ATE1: variants seen among roughly 807,000 people sequenced by gnomAD.
ATE1 encodes arginyl-tRNA--protein transferase 1.
Under a neutral mutation model 70.5 loss-of-function variants are expected in ATE1, and 36 were observed. That is an observed-to-expected ratio of 0.51 (90% CI 0.39 to 0.67). The LOEUF is 0.67. ATE1 is among the 30% of genes least tolerant of loss of function. The pLI is 0.00. For missense variants in ATE1, 593 were observed against 629.5 expected, an observed-to-expected ratio of 0.94 and a Z score of 0.62; for synonymous variants, 232 against 219.3, an observed-to-expected ratio of 1.06 and a Z score of -0.51.
intron 10 of ATE1, among the ~76,000 whole-genome samples, chr10:121,819,653 GC>G (rs1369250992): frequency 9.7e-5 from 13 of 133,780 alleles, no homozygotes; most frequent in Non-Finnish European, 4.6e-5. Flanking sequence ...CTTGCAGTGA[GC>G]CTGGGTGACA....
At chr10:121,925,129 A>C (rs1251910743) in intron 1 of ATE1, among the ~76,000 whole-genome samples, 1 of 152,232 alleles carries the variant, frequency 6.6e-6, no homozygotes, top group Non-Finnish European at 1.5e-5. Context: ...GTAAGAACTG[A>C]AAGTAACTCA....
At chr10:121,858,866 C>T (rs1949360172) in intron 8 of ATE1, among the ~76,000 whole-genome samples, 1 of 151,758 alleles carries the variant, frequency 6.6e-6, no homozygotes, top group African/African-American at 2.4e-5. Flanking sequence ...GATGCCGAGG[C>T]GGGCAGATCA....
intron 8 of ATE1, among the ~76,000 whole-genome samples, chr10:121,847,867 C>A (rs1023469234): frequency 6.6e-6 from 1 of 150,676 alleles, no homozygotes; most frequent in African/African-American, 2.4e-5. Flanking sequence ...CTCAGGAGAT[C>A]GAGACCATCC....
chr10:121,885,612 G>A (rs1950369791), intron 7 of ATE1, among the ~76,000 whole-genome samples: 1 of 150,770 alleles, frequency 6.6e-6, no homozygotes. Context: ...TCAAAATGTG[G>A]CTGGGTGCAG....
chr10:121,810,891 C>T (rs188316811), intron 10 of ATE1, among the ~76,000 whole-genome samples: 6 of 152,128 alleles, frequency 3.9e-5, no homozygotes, highest in East Asian at 1.9e-4. Flanking sequence ...TTAATAGAGA[C>T]GGGGTTTCAC....
At chr10:121,786,219 T>C (rs1300391436) in intron 11 of ATE1, among the ~76,000 whole-genome samples, 1 of 144,876 alleles carries the variant, frequency 6.9e-6, no homozygotes, top group African/African-American at 2.6e-5. Flanking sequence ...TTTTTTTTTT[T>C]TTTTTTTTTT....
intron 7 of ATE1, among the ~76,000 whole-genome samples, chr10:121,889,010 C>T (rs1279043863): frequency 1.3e-5 from 2 of 152,034 alleles, no homozygotes; most frequent in African/African-American, 4.8e-5. Flanking sequence ...TAGTAATCAA[C>T]TTATTTATTT....
intron 10 of ATE1, among the ~76,000 whole-genome samples, chr10:121,811,374 T>C (rs1157219532): frequency 6.6e-6 from 1 of 152,228 alleles, no homozygotes; most frequent in African/African-American, 2.4e-5. Flanking sequence ...AAGAGTACAC[T>C]GTACCGGTAT....
chr10:121,762,159 T>G (rs1208147249), intron 11 of ATE1, among the ~76,000 whole-genome samples: 1 of 152,222 alleles, frequency 6.6e-6, no homozygotes, highest in African/African-American at 2.4e-5. Flanking sequence ...TGAAACCCAC[T>G]CTGCCTTCAG....
chr10:121,906,902 T>C (rs967492704), intron 5 of ATE1, among the ~76,000 whole-genome samples: 4 of 151,812 alleles, frequency 2.6e-5, no homozygotes, highest in African/African-American at 4.8e-5. Context: ...CCGGCCAAAA[T>C]CCAAGGATTT....
At chr10:121,862,532 ATTTTT>A (rs35130703) in intron 8 of ATE1, among the ~76,000 whole-genome samples, 1,101 of 105,396 alleles carry the variant, frequency 0.01, 11 homozygotes, top group East Asian at 0.056. Context: ...AATTTTTTTA[ATTTTT>A]TTTTTTTTTT....
intron 11 of ATE1, among the ~76,000 whole-genome samples, chr10:121,772,562 C>T (rs936732353): frequency 6.6e-6 from 1 of 152,174 alleles, no homozygotes; most frequent in African/African-American, 2.4e-5. Context: ...GGCCCTGTCT[C>T]ACGCCTCACA....
At chr10:121,928,145 C>G, upstream of ATE1, 1 of 1,263,518 alleles carries the variant, frequency 7.9e-7, no homozygotes, top group South Asian at 2.9e-5. Context: ...GGGCAGCTTT[C>G]CACTATTTCC....
chr10:121,832,701 A>G (rs1024278197), intron 10 of ATE1, among the ~76,000 whole-genome samples: 4 of 152,210 alleles, frequency 2.6e-5, no homozygotes, highest in African/African-American at 7.2e-5. Flanking sequence ...TGGAGTTGTA[A>G]GTCCAATTAA....
intron 11 of ATE1, among the ~76,000 whole-genome samples, chr10:121,755,170 T>A (rs1471719868): frequency 6.6e-6 from 1 of 152,226 alleles, no homozygotes; most frequent in Non-Finnish European, 1.5e-5. Flanking sequence ...TATGCATTTT[T>A]GTGCTATAAA....
chr10:121,847,756 C>CA (rs34868723), intron 8 of ATE1, among the ~76,000 whole-genome samples: 7,275 of 60,678 alleles, frequency 0.12, 552 homozygotes, highest in East Asian at 0.31. Flanking sequence ...GACTCTGTCT[C>CA]AAAAAAAAAA....
intron 11 of ATE1, among the ~76,000 whole-genome samples, chr10:121,789,296 CT>C (rs3036893): frequency 3.3e-4 from 31 of 92,692 alleles, no homozygotes; most frequent in African/African-American, 1.2e-3. Context: ...CAGGGCTATG[CT>C]TTTTTTTTTT....
intron 3 of ATE1, among the ~76,000 whole-genome samples, chr10:121,917,670 T>C (rs572179695): frequency 2.0e-5 from 3 of 152,222 alleles, no homozygotes; most frequent in African/African-American, 7.2e-5. Context: ...GTTACAATTA[T>C]ATAAGCATGT....
intron 11 of ATE1, among the ~76,000 whole-genome samples, chr10:121,770,233 A>ACACAC (rs1945449751): frequency 1.5e-5 from 2 of 136,826 alleles, no homozygotes; most frequent in South Asian, 2.6e-4. Context: ...ACAAGAGAGA[A>ACACAC]ACACACACAC....
Sources: gnomAD v4.1 joint callset for allele counts (sites outside exome capture counted in the v4.1 genomes callset) on GRCh38, gnomAD v4.1.1 for gene constraint, MANE v1.5 for transcripts, NCBI Gene and HGNC (gene_info 2026-07-23, HGNC 2026-07-21) for gene names.